XKR9: variants seen among roughly 807,000 people sequenced by gnomAD.
XKR9 encodes the protein XK-related protein 9.
In XKR9, 32 loss-of-function variants were observed where a neutral mutation model predicts 32.0. The observed-to-expected ratio is 1.00, with a 90% CI of 0.76 to 1.34. The LOEUF (loss-of-function observed/expected upper bound fraction) is 1.34, where lower values mean the gene tolerates loss of function less well. Among genes scored for constraint, XKR9 ranks in the 40% most tolerant of loss-of-function variants. The probability of loss-of-function intolerance (pLI) is 0.00; values close to 1 mark genes in which losing one functional copy is unlikely to be tolerated. For synonymous variants in XKR9, 168 were observed against 143.4 expected (o/e 1.17, Z -1.22); for missense variants, 546 against 429.7 (o/e 1.27, Z -2.39).
At chr8:70,739,131 G>C (rs1002362348), downstream of XKR9, among the ~76,000 whole-genome samples, 2 of 151,952 alleles carry the variant, frequency 1.3e-5, no homozygotes, top group African/African-American at 4.8e-5. Context: ...CTCAGGACTT[G>C]CTTTATGAAT....
At chr8:70,832,233 C>T in the XKR9 span, among the ~76,000 whole-genome samples, 6 of 152,130 alleles carry the variant, frequency 3.9e-5, no homozygotes, top group African/African-American at 1.4e-4. Flanking sequence ...GGCATACTGA[C>T]CTACAGCTCT....
At chr8:71,028,479 G>C in the XKR9 span, among the ~76,000 whole-genome samples, 2 of 152,198 alleles carry the variant, frequency 1.3e-5, no homozygotes, top group Non-Finnish European at 2.9e-5. Flanking sequence ...CCAGGGGCCA[G>C]GGATGGGGAG....
chr8:71,007,522 CAAA>C, the XKR9 span, among the ~76,000 whole-genome samples: 12 of 151,428 alleles, frequency 7.9e-5, no homozygotes, highest in African/African-American at 2.9e-4. Flanking sequence ...CTAGAAGAAA[CAAA>C]AACAGTGTGA....
chr8:70,731,877 A>T (rs1806678535), intron 4 of XKR9, among the ~76,000 whole-genome samples: 1 of 152,304 alleles, frequency 6.6e-6, no homozygotes, highest in East Asian at 1.9e-4. Context: ...ATACACTAAG[A>T]CAAGATGGAC....
At chr8:70,973,663 C>G in the XKR9 span, among the ~76,000 whole-genome samples, 6 of 152,076 alleles carry the variant, frequency 3.9e-5, no homozygotes, top group Non-Finnish European at 7.4e-5. Context: ...GGTTGTACCA[C>G]TATTATTACT....
intron 3 of XKR9, among the ~76,000 whole-genome samples, chr8:70,685,945 G>T (rs1819262014): frequency 2.0e-5 from 3 of 150,522 alleles, no homozygotes; most frequent in African/African-American, 4.9e-5. Flanking sequence ...TTAAAAATAA[G>T]AAAAATAAGT....
At chr8:70,880,992 A>G in the XKR9 span, among the ~76,000 whole-genome samples, 8 of 152,232 alleles carry the variant, frequency 5.3e-5, no homozygotes, top group African/African-American at 1.9e-4. Flanking sequence ...CTGATCTTTG[A>G]CAAACCTGAC....
intron 2 of XKR9, among the ~76,000 whole-genome samples, chr8:70,768,762 T>G (rs1807412522): frequency 6.6e-6 from 1 of 152,050 alleles, no homozygotes; most frequent in Admixed American, 6.6e-5. Flanking sequence ...CTTTTTTTTT[T>G]TTTTGATTTA....
chr8:70,700,442 GT>G (rs1805478381), intron 3 of XKR9, among the ~76,000 whole-genome samples: 1 of 152,174 alleles, frequency 6.6e-6, no homozygotes, highest in South Asian at 2.1e-4. Context: ...TTTGCTAGAG[GT>G]CCACTCCAGA....
the XKR9 span, among the ~76,000 whole-genome samples, chr8:70,857,235 A>G: frequency 2.0e-5 from 3 of 152,200 alleles, no homozygotes; most frequent in Non-Finnish European, 4.4e-5. Flanking sequence ...AGCAAGACTA[A>G]TAAAGAAGAA....
At chr8:70,823,460 G>T in the XKR9 span, among the ~76,000 whole-genome samples, 19 of 152,246 alleles carry the variant, frequency 1.2e-4, no homozygotes, top group South Asian at 3.7e-3. Flanking sequence ...TTCTATCTCT[G>T]AAGAAGGTCC....
chr8:70,946,941 A>T, the XKR9 span, among the ~76,000 whole-genome samples: 1 of 152,298 alleles, frequency 6.6e-6, no homozygotes, highest in Non-Finnish European at 1.5e-5. Context: ...TTTACAGCCG[A>T]AAGAAGTGTA....
rs1350846012 is a variant in XKR9, at chr8:70,735,778, A to G, written c.*1354A>G. ...GATTTCCAGCTTCATCCATGTCCCT[A>G]CAAAGGACATGAACTCATCATTTTT... On this transcript the variant is annotated 3_prime_UTR_variant, in exon 5 of 5. Coordinates refer to ENST00000408926, the MANE Select transcript of XKR9 (RefSeq NM_001011720.2). 2.0e-5 allele frequency: 3 copies of G among 151,728 alleles called. No individual in the cohort carries two copies. Among genetic ancestry groups the G allele is most frequent in the South Asian group, 2.1e-4 (1 of 4,814 alleles). The allele number at this position is 151,728 out of a possible 1,614,324, so 9.4% of individuals were successfully genotyped here. A position where few individuals can be genotyped will look rare whatever the true frequency, so the allele number is the denominator to read the frequency against.
intron 4 of XKR9, among the ~76,000 whole-genome samples, chr8:70,720,206 C>G (rs1806230133): frequency 6.6e-6 from 1 of 152,072 alleles, no homozygotes; most frequent in Admixed American, 6.6e-5. Context: ...TGGGCTGAGA[C>G]AAGGGGTATT....
chr8:70,717,864 T>C (rs996867523), intron 4 of XKR9, among the ~76,000 whole-genome samples: 5 of 152,182 alleles, frequency 3.3e-5, no homozygotes, highest in African/African-American at 1.2e-4. Flanking sequence ...ACCTCTTGAA[T>C]GCTTTGCTGC....
the XKR9 span, among the ~76,000 whole-genome samples, chr8:70,903,196 T>C: frequency 6.6e-6 from 1 of 151,990 alleles, no homozygotes; most frequent in African/African-American, 2.4e-5. Context: ...TACTGATTGG[T>C]GTAGTTTCAG....
At chr8:70,915,305 C>G in the XKR9 span, among the ~76,000 whole-genome samples, 89 of 152,216 alleles carry the variant, frequency 5.8e-4, no homozygotes, top group Non-Finnish European at 9.4e-4. Context: ...AATCTGGTGA[C>G]TAGTTTGTTA....
At chr8:70,847,975 A>C in the XKR9 span, among the ~76,000 whole-genome samples, 2 of 152,218 alleles carry the variant, frequency 1.3e-5, no homozygotes, top group South Asian at 4.1e-4. Flanking sequence ...TACAAGGCCA[A>C]CACTACTCTG....
At chr8:70,829,371 T>TA in the XKR9 span, among the ~76,000 whole-genome samples, 36 of 152,338 alleles carry the variant, frequency 2.4e-4, no homozygotes, top group African/African-American at 8.4e-4. Flanking sequence ...TTTCAGGACT[T>TA]ATCTCAGGTT....
Sources: gnomAD v4.1 joint callset for allele counts (sites outside exome capture counted in the v4.1 genomes callset) on GRCh38, gnomAD v4.1.1 for gene constraint, MANE v1.5 for transcripts, NCBI Gene and HGNC (gene_info 2026-07-23, HGNC 2026-07-21) for gene names.